The following PATL1 variants were observed in gnomAD, a reference collection of about 807,000 sequenced individuals.
PATL1 encodes the protein protein PAT1 homolog 1.
Under a neutral mutation model 100.6 loss-of-function variants are expected in PATL1, and 32 were observed. The ratio of observed to expected loss-of-function variants is 0.32; its 90% CI spans 0.24 to 0.43. The LOEUF (loss-of-function observed/expected upper bound fraction) is 0.43, where lower values mean the gene tolerates loss of function less well. Ranked by LOEUF, PATL1 falls within the 20% of genes least tolerant of loss-of-function variation. PATL1 has a pLI of 1.00. For synonymous variants in PATL1, 332 were observed against 330.0 expected, an observed-to-expected ratio of 1.01 and a Z score of -0.07; for missense variants, 747 against 949.9, an observed-to-expected ratio of 0.79 and a Z score of 2.81.
chr11:59,661,861 A>G (rs1861629372), intron 2 of PATL1, among the ~76,000 whole-genome samples: 1 of 152,220 alleles, frequency 6.6e-6, no homozygotes, highest in Non-Finnish European at 1.5e-5. Flanking sequence ...TCTTTTTAAT[A>G]CCTACATAAG....
intron 1 of PATL1, among the ~76,000 whole-genome samples, chr11:59,667,286 C>G (rs993838662): frequency 6.6e-6 from 1 of 152,196 alleles, no homozygotes; most frequent in Non-Finnish European, 1.5e-5. Flanking sequence ...TTCCTTACAT[C>G]ACTGGTTGGA....
rs189750463 is a variant in PATL1, at chr11:59,665,539, A to G, written c.127+1314T>C. Among the ~76,000 whole-genome samples, 8 of 152,276 alleles carry G rather than the reference A, an allele frequency of 5.3e-5. No homozygotes were observed. In the East Asian group the frequency reaches 1.5e-3, roughly 29 times the overall value. ...GTTTTGGCCAGGCGTGGTGGCTTGC[A>G]CCTGTAATCCCAGCACTTTGGGAGG... On this transcript the variant is annotated intron_variant, in intron 2 of 18. Transcript: ENST00000300146.
intron 15 of PATL1, among the ~76,000 whole-genome samples, chr11:59,647,514 A>G (rs539667893): frequency 2.2e-4 from 33 of 152,338 alleles, no homozygotes; most frequent in Admixed American, 1.9e-3. Context: ...CTTTACAACT[A>G]TGTCAAGTAA....
chr11:59,641,623 T>G (rs1341001339), intron 16 of PATL1, among the ~76,000 whole-genome samples: 3 of 151,668 alleles, frequency 2.0e-5, no homozygotes, highest in Non-Finnish European at 4.4e-5. Context: ...CGTGGTGGCA[T>G]GTGCCTGTAG....
chr11:59,645,675 C>A (rs1171354933), intron 15 of PATL1, among the ~76,000 whole-genome samples: 1 of 152,040 alleles, frequency 6.6e-6, no homozygotes, highest in Non-Finnish European at 1.5e-5. Flanking sequence ...ATGTTTAACA[C>A]TATTACCTCA....
Position 59,655,702 on chromosome 11 carries a change from C to G in PATL1, c.852G>C (p.Arg284=), listed in dbSNP as rs187702697. The change falls in exon 8 of 19, where the codon CGG becomes CGC. Residue 284 remains arginine, a synonymous_variant. Transcript: ENST00000300146. ...PGRMSPSQFA[R]VPGFVGSPLA... Reference sequence around the variant, plus strand: ...GTGGACTACCAACAAATCCAGGGACCCGTGCAAACTGGCTGGGAGACATCC... The same window carrying G: ...GTGGACTACCAACAAATCCAGGGACGCGTGCAAACTGGCTGGGAGACATCC... 5.0e-6 allele frequency: 8 copies of G among 1,603,128 alleles called. No homozygotes were observed. In the East Asian group the frequency reaches 1.8e-4, roughly 36 times the overall value.
intron 8 of PATL1, 54 bp downstream of exon 8, chr11:59,655,469 A>C (rs1466465027): frequency 7.2e-7 from 1 of 1,396,092 alleles, no homozygotes; most frequent in Non-Finnish European, 9.6e-7. Context: ...CTACACATCC[A>C]CAATCAAGAG....
intron 11 of PATL1, among the ~76,000 whole-genome samples, chr11:59,651,893 C>T (rs963578068): frequency 2.1e-4 from 32 of 151,318 alleles, no homozygotes; most frequent in Admixed American, 1.9e-3. Context: ...AGCGAAACCC[C>T]GTCTCTACTA....
At position 59,659,434 on chromosome 11, in the gene PATL1, C is replaced by T. The variant is rs1861596730; in HGVS notation, c.163G>A (p.Glu55Lys). ...GCCACTGGTAGCTTTTCTTCCAATTCAGCCAGGCGCTCATGTGCTTCCTGC... is the reference window on the plus strand; with the variant it reads ...GCCACTGGTAGCTTTTCTTCCAATTTAGCCAGGCGCTCATGTGCTTCCTGC... ...DWQEAHERLA[E>K]LEEKLPVAVN... The change falls in exon 3 of 19, where the codon GAA becomes AAA. Residue 55 changes from glutamate (E) to lysine (K), a missense_variant. Around this residue, in one of 4 missense-constraint regions of PATL1, gnomAD observed 183 missense variants for 221.2 expected, o/e 0.83. Transcript: ENST00000300146. The T allele has an allele frequency of 6.4e-7, 1 of 1,550,984 alleles. No homozygotes were observed. Among genetic ancestry groups the T allele is most frequent in the Admixed American group, 2.0e-5 (1 of 50,976 alleles).
At chr11:59,643,676 G>A (rs1161481930) in intron 15 of PATL1, among the ~76,000 whole-genome samples, 1 of 151,942 alleles carries the variant, frequency 6.6e-6, no homozygotes, top group Non-Finnish European at 1.5e-5. Flanking sequence ...TGGGTGACAG[G>A]GTGAGACCCA....
At chr11:59,653,655 T>C (rs1861479344) in intron 9 of PATL1, among the ~76,000 whole-genome samples, 1 of 152,210 alleles carries the variant, frequency 6.6e-6, no homozygotes, top group South Asian at 2.1e-4. Flanking sequence ...TTCTCTTCCT[T>C]CATAGAGGAA....
At chr11:59,656,655 C>A (rs758236372) in intron 5 of PATL1, 55 bp from the exon 6 acceptor site, 65 of 1,445,816 alleles carry the variant, frequency 4.5e-5, no homozygotes, top group Non-Finnish European at 6.3e-5. Context: ...TTTTCTTCCA[C>A]CTACACTCCC....
chr11:59,651,463 C>T (rs1030906015), intron 12 of PATL1, 81 bp downstream of exon 12: 3 of 1,101,846 alleles, frequency 2.7e-6, no homozygotes, highest in Non-Finnish European at 2.7e-6. Context: ...CTCTACCATG[C>T]CTGATCTCAT....
rs1433832352 is a variant in PATL1 at position 59,656,925 on chromosome 11, G to A, written c.622-325C>T. Reference sequence around the variant, plus strand: ...ATATTTTGGTAGCACTGAGGGAGAAGGAATGATAAGAAAGCTGGAGGATTA... The same window carrying A: ...ATATTTTGGTAGCACTGAGGGAGAAAGAATGATAAGAAAGCTGGAGGATTA... On this transcript the variant is annotated intron_variant, in intron 5 of 18. Coordinates refer to ENST00000300146, the MANE Select transcript of PATL1 (RefSeq NM_152716.3). Among the ~76,000 whole-genome samples, 3 of 152,224 alleles carry A rather than the reference G, an allele frequency of 2.0e-5. No homozygotes were observed. In the East Asian group the frequency reaches 5.8e-4, roughly 29 times the overall value.
At position 59,647,815 on chromosome 11, in the gene PATL1, T is replaced by C. The variant is rs1306939422; in HGVS notation, c.1832A>G (p.Asp611Gly). The C allele has an allele frequency of 6.2e-6, 10 of 1,613,856 alleles. No individual in the cohort carries two copies. Among genetic ancestry groups the C allele is most frequent in the Non-Finnish European group, 7.6e-6 (9 of 1,179,876 alleles). The change falls in exon 15 of 19, where the codon GAC becomes GGC. Residue 611 changes from aspartate (D) to glycine (G), a missense_variant. Coordinates refer to ENST00000300146, the MANE Select transcript of PATL1 (RefSeq NM_152716.3). ...GTTCCTGGCTGTTGTCATGAGAATG[T>C]CAGCTGCTTGCTCTGTGGAGAGGAA... ...LPFLSTEQAA[D>G]ILMTTARNLP...
rs1048577325 is a variant in PATL1, at chr11:59,649,496, C to T, written c.1699G>A (p.Asp567Asn). ...DRKHKICSMYDNLRGKLPGQE... is the reference protein window; with the variant it reads ...DRKHKICSMYNNLRGKLPGQE... ...CCAGGCAATTTCCCCCTTAAGTTGT[C>T]ATACATGCTACAAATTTTGTGCTTT... Residue 567 changes from aspartate to asparagine, a missense_variant, in exon 14 of 19, where the codon GAC becomes AAC. Physicochemically the swap from Asp to Asn is conservative, Grantham distance 23. Coordinates refer to ENST00000300146, the MANE Select transcript of PATL1 (RefSeq NM_152716.3). 2 of 1,613,778 alleles carry T rather than the reference C, an allele frequency of 1.2e-6. No individual in the cohort carries two copies. The highest frequency in any genetic ancestry group is 1.7e-5 in the Admixed American group (1 of 59,984).
intron 16 of PATL1, 149 bp downstream of exon 16, chr11:59,642,731 T>C (rs1861303858): frequency 7.2e-6 from 6 of 833,972 alleles, no homozygotes; most frequent in Non-Finnish European, 1.1e-5. Context: ...AACACTGTTA[T>C]TTCTAGCCGG....
rs771302435 is a variant in PATL1, at chr11:59,652,614, T to C, written c.1303-27A>G. ...TACCACGAGAAGATGATTTCAGTTG[T>C]AACACAAGCACAGAACACGACTGTT... On this transcript the variant is annotated intron_variant, in intron 10 of 18. Coordinates refer to ENST00000300146, the MANE Select transcript of PATL1 (RefSeq NM_152716.3). 1.2e-5 allele frequency: 20 copies of C among 1,611,566 alleles called. No individual in the cohort carries two copies. The South Asian group carries it at 2.1e-4, about 17-fold the overall frequency.
At chr11:59,665,722 G>C (rs1198540557) in intron 2 of PATL1, among the ~76,000 whole-genome samples, 2 of 152,198 alleles carry the variant, frequency 1.3e-5, no homozygotes, top group Non-Finnish European at 2.9e-5. Flanking sequence ...GGAGGCAGAA[G>C]CTGCAGTGAG....
Sources: gnomAD v4.1 joint callset for allele counts (sites outside exome capture counted in the v4.1 genomes callset) on GRCh38, gnomAD v4.1.1 for gene constraint, gnomAD v4.1.1 regional missense constraint, MANE v1.5 for transcripts, NCBI Gene and HGNC (gene_info 2026-07-23, HGNC 2026-07-21) for gene names.